ITIH2: variants seen among roughly 807,000 people sequenced by gnomAD.
ITIH2 encodes the protein inter-alpha-trypsin inhibitor heavy chain H2.
In ITIH2, 103 loss-of-function variants were observed where a neutral mutation model predicts 104.4. The observed-to-expected ratio is 0.99, with a 90% CI of 0.84 to 1.16. ITIH2 has a LOEUF of 1.16. ITIH2 is among the 50% of genes most tolerant of loss of function. The pLI is 0.00. For missense variants in ITIH2, 1,108 were observed against 1,162.4 expected, an observed-to-expected ratio of 0.95 and a Z score of 0.68; for synonymous variants, 436 against 435.4, an observed-to-expected ratio of 1.00 and a Z score of -0.02.
intron 16 of ITIH2, among the ~76,000 whole-genome samples, chr10:7,739,812 C>A (rs1835107043): frequency 1.3e-5 from 2 of 152,154 alleles, no homozygotes; most frequent in East Asian, 3.8e-4. Context: ...TTGCCTGAGC[C>A]CAGAAGTTCA....
At chr10:7,704,006 A>T (rs1834722181) in intron 1 of ITIH2, among the ~76,000 whole-genome samples, 1 of 152,246 alleles carries the variant, frequency 6.6e-6, no homozygotes, top group Admixed American at 6.5e-5. Context: ...TGATATTTGT[A>T]ATAAGAGCAC....
chr10:7,735,652 T>G (rs1364921355), intron 15 of ITIH2, among the ~76,000 whole-genome samples: 1 of 146,092 alleles, frequency 6.8e-6, no homozygotes, highest in Non-Finnish European at 1.5e-5. Context: ...TGTTTTCTTT[T>G]TCTTTTCTTT....
Position 7,730,005 on chromosome 10 carries a change from A to G in ITIH2, c.1333A>G (p.Asn445Asp), listed in dbSNP as rs545128749. The G allele has an allele frequency of 5.0e-6, 8 of 1,613,326 alleles. No individual in the cohort carries two copies. Among genetic ancestry groups the G allele is most frequent in the East Asian group, 4.5e-5 (2 of 44,862 alleles). Residue 445 changes from asparagine to aspartate, a missense_variant, in exon 12 of 21, where the codon AAT (asparagine) becomes GAT (aspartate). Asn to Asp is a conservative substitution (Grantham distance 23, BLOSUM62 1). Transcript: ENST00000358415. ...QKNVKENIQD[N>D]ISLFSLGMGF... ...AAACGTTAAGGAGAACATCCAAGAC[A>G]ATATCTCCTTGTTCAGTTTGGGCAT...
intron 16 of ITIH2, 127 bp from the exon 17 acceptor site, chr10:7,743,019 C>T (rs900533755): frequency 1.3e-5 from 8 of 622,328 alleles, no homozygotes; most frequent in South Asian, 1.1e-4. Context: ...GGAGGAGTAC[C>T]GAGCATGTAG....
At chr10:7,723,405 T>A (rs1485986486) in intron 8 of ITIH2, 46 bp from the exon 9 acceptor site, 1 of 1,261,478 alleles carries the variant, frequency 7.9e-7, no homozygotes, top group South Asian at 1.2e-5. Flanking sequence ...TCCTACCTTC[T>A]AAACACGAAT....
chr10:7,703,545 T>G, intron 1 of ITIH2, 27 bp downstream of exon 1: 1 of 1,418,996 alleles, frequency 7.0e-7, no homozygotes. Flanking sequence ...CACTCCTTGC[T>G]GTTGGCTTGT....
chr10:7,713,793 G>A (rs922066658), intron 5 of ITIH2, among the ~76,000 whole-genome samples: 3 of 151,538 alleles, frequency 2.0e-5, no homozygotes, highest in Admixed American at 6.6e-5. Context: ...CTACAACCTC[G>A]AACTCCTGGC....
chr10:7,737,147 C>T (rs1409490486), intron 15 of ITIH2, among the ~76,000 whole-genome samples: 1 of 151,356 alleles, frequency 6.6e-6, no homozygotes, highest in Non-Finnish European at 1.5e-5. Context: ...TAGACAAGAA[C>T]TGGCCTTCTG....
At position 7,727,693 on chromosome 10, in the gene ITIH2, A is replaced by G; in HGVS notation, c.1154-10A>G. ...CGCATACCCAACGTTTCATTATGCTACTTCAACAGGCACAAACATCAACGA... is the reference window on the plus strand; with the variant it reads ...CGCATACCCAACGTTTCATTATGCTGCTTCAACAGGCACAAACATCAACGA... On this transcript the variant is annotated splice_polypyrimidine_tract_variant and intron_variant, in intron 10 of 20. Coordinates refer to ENST00000358415, the MANE Select transcript of ITIH2 (RefSeq NM_002216.3). 2 of 1,613,880 alleles carry G rather than the reference A, an allele frequency of 1.2e-6. No homozygotes were observed.
In ITIH2 at chr10:7,737,580, T is replaced by TATATTCTATAGA. The variant is rs1835069810; in HGVS notation, c.1958-1031_1958-1030insGAATATTCTATA. Among the ~76,000 whole-genome samples, 4 of 66,184 alleles carry TATATTCTATAGA rather than the reference T, an allele frequency of 6.0e-5. 1 individual carries two copies. The highest frequency in any genetic ancestry group is 1.9e-4 in the African/African-American group (4 of 20,804). The allele number at this position is 66,184 out of a possible 152,430, so 43.4% of individuals were successfully genotyped here. A position where few individuals can be genotyped will look rare whatever the true frequency, so the allele number is the denominator to read the frequency against. ...CTATATAATATTATATATTAAATTCTATATTCTATATTATATTCTATATTC... is the reference window on the plus strand; with the variant it reads ...CTATATAATATTATATATTAAATTCTATATTCTATAGAATATTCTATATTATATTCTATATTC... On this transcript the variant is annotated intron_variant, in intron 15 of 20. Transcript: ENST00000358415.
intron 16 of ITIH2, among the ~76,000 whole-genome samples, chr10:7,742,018 A>T (rs1433267977): frequency 6.6e-6 from 1 of 152,130 alleles, no homozygotes. Flanking sequence ...TTTCATCTTC[A>T]TTCTCACAGC....
At chr10:7,734,110 A>G (rs1835029070) in intron 14 of ITIH2, among the ~76,000 whole-genome samples, 1 of 152,122 alleles carries the variant, frequency 6.6e-6, no homozygotes, top group Non-Finnish European at 1.5e-5. Flanking sequence ...CAGTGAAAAT[A>G]CCCTATATGA....
intron 14 of ITIH2, among the ~76,000 whole-genome samples, chr10:7,732,762 C>G (rs1042110229): frequency 6.6e-6 from 1 of 152,044 alleles, no homozygotes; most frequent in Non-Finnish European, 1.5e-5. Flanking sequence ...GAGTCTCGCT[C>G]TGTCTCCCAG....
chr10:7,717,336 A>G (rs1268199267), intron 5 of ITIH2, among the ~76,000 whole-genome samples: 1 of 152,176 alleles, frequency 6.6e-6, no homozygotes, highest in Non-Finnish European at 1.5e-5. Flanking sequence ...ATAGATGTCA[A>G]ATTCCTGGCC....
Position 7,710,708 on chromosome 10 carries a change from A to G in ITIH2, c.362+1517A>G, listed in dbSNP as rs57665530. 5.4e-3 allele frequency among the ~76,000 whole-genome samples: 821 copies of G among 152,306 alleles called. 6 individuals carry two copies. The highest frequency in any genetic ancestry group is 0.019 in the African/African-American group (793 of 41,572). Reference sequence around the variant, plus strand: ...AATAGGCAGAAAAAGGCATTGTGTCACTTTAATTGGTATCCTTTGAATTGG... The same window carrying G: ...AATAGGCAGAAAAAGGCATTGTGTCGCTTTAATTGGTATCCTTTGAATTGG... On this transcript the variant is annotated intron_variant, in intron 4 of 20. Transcript: ENST00000358415.
In ITIH2 at chr10:7,744,123, A is replaced by C; in HGVS notation, c.2251A>C (p.Asn751His). The C allele has an allele frequency of 6.2e-7, 1 of 1,614,196 alleles. No individual in the cohort carries two copies. The highest frequency in any genetic ancestry group is 2.2e-5 in the East Asian group (1 of 44,880). Reference protein sequence around the residue: ...NGQLVGAKKPNNGKLSTYFGK... With the variant: ...NGQLVGAKKPHNGKLSTYFGK... ...TCAGCTTGTTGGTGCCAAGAAGCCCAACAATGGAAAACTAAGCACCTATTT... is the reference window on the plus strand; with the variant it reads ...TCAGCTTGTTGGTGCCAAGAAGCCCCACAATGGAAAACTAAGCACCTATTT... The change falls in exon 18 of 21, where the codon AAC (asparagine) becomes CAC (histidine). Residue 751 changes from asparagine (N) to histidine (H), a missense_variant. Asn to His is a moderately conservative substitution (Grantham distance 68). Transcript: ENST00000358415.
At chr10:7,706,365 G>A (rs567249496) in intron 2 of ITIH2, among the ~76,000 whole-genome samples, 1 of 152,104 alleles carries the variant, frequency 6.6e-6, no homozygotes, top group Non-Finnish European at 1.5e-5. Flanking sequence ...AACATTACAT[G>A]TTCACCCACC....
Position 7,705,157 on chromosome 10 carries a change from TG to T in ITIH2, c.136del (p.Val46TrpfsTer18). 1.9e-6 allele frequency: 3 copies of T among 1,612,692 alleles called. No homozygotes were observed. Among genetic ancestry groups the T allele is most frequent in the Non-Finnish European group, 2.5e-6 (3 of 1,178,854 alleles). ...GAACTGGCCCCAGGCAAATTTCAAT[TG>T]GTGGCAGAGAACCGGAGATATCAGG... The part of the protein sequence containing the change: ...LVELAPGKFQ[L>X]VAENRRYQRS... On this transcript the variant is annotated frameshift_variant, in exon 2 of 21. Transcript: ENST00000358415. LOFTEE classifies it high-confidence loss of function.
intron 16 of ITIH2, among the ~76,000 whole-genome samples, chr10:7,739,242 C>A (rs534811256): frequency 1.1e-4 from 16 of 152,328 alleles, no homozygotes; most frequent in African/African-American, 3.8e-4. Context: ...GCGTTGCAGC[C>A]TTCACCCACA....
Sources: allele counts gnomAD v4.1 joint callset (sites outside exome capture counted in the v4.1 genomes callset), GRCh38; gene constraint gnomAD v4.1.1; transcripts MANE v1.5; gene names NCBI Gene and HGNC (gene_info 2026-07-23, HGNC 2026-07-21).